The following SRGAP2B variants were observed in gnomAD, a reference collection of about 807,000 sequenced individuals.
The protein encoded by SRGAP2B is SLIT-ROBO Rho GTPase-activating protein 2B.
SRGAP2B carries 9 observed loss-of-function variants against 22.2 expected under a neutral mutation model. The ratio of observed to expected loss-of-function variants is 0.41; its 90% CI spans 0.24 to 0.71. SRGAP2B has a LOEUF of 0.71. Among genes scored for constraint, SRGAP2B ranks in the 30% least tolerant of loss-of-function variants. The pLI, the probability that SRGAP2B is intolerant of heterozygous loss-of-function variation, is 0.35. For missense variants in SRGAP2B, 114 were observed against 235.8 expected (o/e 0.48, Z 3.38); for synonymous variants, 36 against 87.4 (o/e 0.41, Z 3.28).
At chr1:144,994,554 G>GTA in intron 3 of SRGAP2B, among the ~76,000 whole-genome samples, 5 of 31,880 alleles carry the variant, frequency 1.6e-4, no homozygotes, top group Non-Finnish European at 3.3e-4. Context: ...GAGTGTGAGT[G>GTA]TGTGTGTGTG....
At chr1:145,061,698 G>A (rs1418818701) in intron 2 of SRGAP2B, among the ~76,000 whole-genome samples, 703 of 142,236 alleles carry the variant, frequency 4.9e-3, no homozygotes, top group African/African-American at 0.02. Flanking sequence ...AGAGATTCTC[G>A]TGCCTCAGCC....
At chr1:144,997,410 G>A (rs1270095179) in intron 2 of SRGAP2B, among the ~76,000 whole-genome samples, 6 of 150,688 alleles carry the variant, frequency 4.0e-5, no homozygotes, top group South Asian at 2.1e-4. Context: ...CAGCCTGGGC[G>A]ACAGAGCAAG....
intron 4 of SRGAP2B, among the ~76,000 whole-genome samples, chr1:144,921,684 CA>C (rs1381938904): frequency 8.6e-6 from 1 of 116,046 alleles, no homozygotes; most frequent in Non-Finnish European, 1.7e-5. Context: ...AAAGCAACTA[CA>C]ATATGAAACC....
Position 145,016,860 on chromosome 1 carries a change from T to G in SRGAP2B, c.68-21660A>C, listed in dbSNP as rs1257394061. On this transcript the variant is annotated intron_variant, in intron 2 of 9. Coordinates refer to ENST00000612199, the Ensembl canonical transcript of SRGAP2B. ...CACTCAAGTTTTTTTTTTTTTGTTTTTTTTTTGAGACGGAGTCTCACTCTG... is the reference window on the plus strand; with the variant it reads ...CACTCAAGTTTTTTTTTTTTTGTTTGTTTTTTGAGACGGAGTCTCACTCTG... 1.6e-4 allele frequency among the ~76,000 whole-genome samples: 24 copies of G among 151,138 alleles called. 1 individual carries two copies. The highest frequency in any genetic ancestry group is 4.2e-4 in the South Asian group (2 of 4,800).
chr1:145,083,094 G>T (rs1210240679), intron 2 of SRGAP2B, among the ~76,000 whole-genome samples: 3 of 144,360 alleles, frequency 2.1e-5, no homozygotes, highest in Non-Finnish European at 4.4e-5. Flanking sequence ...CAGAGGAGAT[G>T]CTGAGAGCGT....
At chr1:144,971,423 A>C (rs1333052210) in intron 3 of SRGAP2B, among the ~76,000 whole-genome samples, 4 of 149,188 alleles carry the variant, frequency 2.7e-5, no homozygotes, top group Non-Finnish European at 5.9e-5. Context: ...GAACCACCGC[A>C]CCCGGCCCAT....
intron 3 of SRGAP2B, among the ~76,000 whole-genome samples, chr1:144,973,986 G>T (rs1668720719): frequency 6.7e-6 from 1 of 150,300 alleles, no homozygotes; most frequent in African/African-American, 2.5e-5. Flanking sequence ...CAGACACAGA[G>T]GCCCCAGCCT....
chr1:145,019,345 C>CA (rs1326037417), intron 2 of SRGAP2B, among the ~76,000 whole-genome samples: 5 of 117,982 alleles, frequency 4.2e-5, no homozygotes, highest in Non-Finnish European at 6.9e-5. Flanking sequence ...GAGACCCTGC[C>CA]AAAAAAAAGA....
intron 2 of SRGAP2B, among the ~76,000 whole-genome samples, chr1:145,038,390 G>C (rs1648893460): frequency 7.6e-6 from 1 of 130,898 alleles, no homozygotes; most frequent in Admixed American, 7.8e-5. Context: ...GGTTCTACAG[G>C]GTGGACCAGA....
intron 3 of SRGAP2B, among the ~76,000 whole-genome samples, chr1:144,976,497 A>G (rs1237230691): frequency 7.1e-6 from 1 of 139,996 alleles, no homozygotes; most frequent in Non-Finnish European, 1.5e-5. Context: ...AAATAATGGT[A>G]CTTCAGTTAC....
chr1:144,911,871 A>G (rs1236446500), intron 5 of SRGAP2B, among the ~76,000 whole-genome samples: 1 of 142,526 alleles, frequency 7.0e-6, no homozygotes, highest in Non-Finnish European at 1.5e-5. Flanking sequence ...CGCCCACCTC[A>G]GCCTCCCAAA....
At chr1:145,031,580 GC>G (rs1464387605) in intron 2 of SRGAP2B, among the ~76,000 whole-genome samples, 4 of 137,558 alleles carry the variant, frequency 2.9e-5, no homozygotes, top group Admixed American at 1.4e-4. Context: ...GGGCTCGGTG[GC>G]TCACGCCTGT....
At chr1:144,906,132 G>A in intron 5 of SRGAP2B, 58 bp from the exon 6 acceptor site, 1 of 705,156 alleles carries the variant, frequency 1.4e-6, no homozygotes, top group Non-Finnish European at 2.6e-6. Flanking sequence ...TCATTTCTCT[G>A]CTTTACAGAC....
At position 144,930,525 on chromosome 1, in the gene SRGAP2B, A is replaced by G. The variant is rs587763319; in HGVS notation, c.424-15771T>C. On this transcript the variant is annotated intron_variant, in intron 4 of 9. Transcript: ENST00000612199. ...GACCACCAAATGGAGGAACTCTACA[A>G]GAAATTCTAAAAATTGGCACGTATA... Among the ~76,000 whole-genome samples the G allele has an allele frequency of 8.7e-3, 1,271 of 145,948 alleles. 59 individuals carry two copies. The highest frequency in any genetic ancestry group is 0.032 in the African/African-American group (1,195 of 37,650).
At chr1:145,080,652 G>T (rs1193521500) in intron 2 of SRGAP2B, among the ~76,000 whole-genome samples, 14 of 147,748 alleles carry the variant, frequency 9.5e-5, no homozygotes, top group Admixed American at 4.0e-4. Flanking sequence ...CCAGGTTCAA[G>T]CAATTCTCCT....
At chr1:144,966,043 T>C (rs1668059675) in intron 3 of SRGAP2B, among the ~76,000 whole-genome samples, 1 of 150,382 alleles carries the variant, frequency 6.6e-6, no homozygotes, top group Non-Finnish European at 1.5e-5. Context: ...AGGCGGAGAA[T>C]GGAACCAAGT....
chr1:144,893,937 C>T (rs1311086719), intron 8 of SRGAP2B, among the ~76,000 whole-genome samples: 11 of 136,754 alleles, frequency 8.0e-5, no homozygotes, highest in African/African-American at 3.4e-4. Flanking sequence ...GGCTAACTTG[C>T]CACTGCTGGC....
intron 4 of SRGAP2B, among the ~76,000 whole-genome samples, chr1:144,938,563 A>G (rs1427645535): frequency 6.7e-6 from 1 of 148,376 alleles, no homozygotes; most frequent in Non-Finnish European, 1.5e-5. Context: ...ATCAGTTCCA[A>G]TGCCAATTTA....
intron 4 of SRGAP2B, among the ~76,000 whole-genome samples, chr1:144,920,485 C>T (rs1427741665): frequency 2.7e-5 from 4 of 150,150 alleles, no homozygotes; most frequent in Admixed American, 6.6e-5. Context: ...TTTGCTCAGG[C>T]TGGTCTCAAA....
Sources: gnomAD v4.1 joint callset for allele counts (sites outside exome capture counted in the v4.1 genomes callset) on GRCh38, gnomAD v4.1.1 for gene constraint, MANE v1.5 for transcripts, NCBI Gene and HGNC (gene_info 2026-07-23, HGNC 2026-07-21) for gene names.